The following WWC1 variants were observed in gnomAD, a reference collection of about 807,000 sequenced individuals.
WWC1 encodes protein KIBRA.
Under a neutral mutation model 138.4 loss-of-function variants are expected in WWC1, and 55 were observed. The observed-to-expected ratio is 0.40, with a 90% confidence interval of 0.32 to 0.50. The LOEUF (loss-of-function observed/expected upper bound fraction) is 0.50, where lower values mean the gene tolerates loss of function less well. WWC1 is among the 20% of genes least tolerant of loss of function. The pLI is 0.72. For synonymous variants in WWC1, 524 were observed against 564.9 expected (o/e 0.93, Z 1.03); for missense variants, 1,226 against 1,420.4 (o/e 0.86, Z 2.20).
intron 1 of WWC1, among the ~76,000 whole-genome samples, chr5:168,301,564 G>T (rs1383897255): frequency 6.6e-6 from 1 of 151,888 alleles, no homozygotes; most frequent in African/African-American, 2.4e-5. Flanking sequence ...CTTGAACCTG[G>T]GAGACGGAGG....
chr5:168,454,639 T>A (rs1267080082), intron 18 of WWC1, among the ~76,000 whole-genome samples: 1 of 152,214 alleles, frequency 6.6e-6, no homozygotes, highest in Non-Finnish European at 1.5e-5. Context: ...CTAGAGCACC[T>A]GCCGTGTTTG....
chr5:168,430,302 C>A, intron 14 of WWC1, 79 bp downstream of exon 14: 2 of 1,208,612 alleles, frequency 1.7e-6, no homozygotes, highest in Non-Finnish European at 2.4e-6. Flanking sequence ...TCTGCCCTGT[C>A]CTGATCCAGT....
intron 1 of WWC1, among the ~76,000 whole-genome samples, chr5:168,339,865 C>G (rs1254558275): frequency 7.7e-6 from 1 of 129,788 alleles, no homozygotes; most frequent in African/African-American, 3.5e-5. Flanking sequence ...CTCTTTCTCT[C>G]TCTCTCTCTC....
intron 11 of WWC1, among the ~76,000 whole-genome samples, chr5:168,427,548 ATTTTTT>A (rs34177139): frequency 5.9e-5 from 6 of 101,140 alleles, no homozygotes; most frequent in East Asian, 3.0e-4. Context: ...CTTTTTTTTA[ATTTTTT>A]TTTTTTTTTT....
intron 1 of WWC1, among the ~76,000 whole-genome samples, chr5:168,341,414 A>C (rs1316864011): frequency 6.6e-6 from 1 of 152,148 alleles, no homozygotes; most frequent in East Asian, 1.9e-4. Flanking sequence ...TCAGCACCCC[A>C]TAGGCACAAG....
chr5:168,309,749 T>G (rs960740269), intron 1 of WWC1, among the ~76,000 whole-genome samples: 4 of 151,894 alleles, frequency 2.6e-5, no homozygotes, highest in African/African-American at 9.7e-5. Context: ...GACCTCTCCC[T>G]CTGTCTTAGT....
chr5:168,471,923 CAATA>C lies in WWC1; in HGVS notation c.*2909_*2912del, dbSNP rs1757685278. 3.3e-5 allele frequency: 5 copies of C among 152,328 alleles called. No individual in the cohort carries two copies. The South Asian group carries it at 1.0e-3, about 32-fold the overall frequency. 9.4% of individuals were successfully genotyped at this position (152,328 alleles called of 1,614,324 possible). On this transcript the variant is annotated 3_prime_UTR_variant, in exon 23 of 23. Transcript: ENST00000265293. ...ACTGTATCTGCAGTCCATTTGGACT[CAATA>C]AAAACTTTGAAAGTCACATGTGTTA...
At chr5:168,464,998 TCTGCCCCAGAGAGTCGGGGGGCA>T (rs1195568498) in intron 21 of WWC1, 36 bp downstream of exon 21, 1 of 1,608,316 alleles carries the variant, frequency 6.2e-7, no homozygotes, top group Non-Finnish European at 8.5e-7. Flanking sequence ...AGCCCTGCGC[TCTGCCCCAGAGAGTCGGGGGGCA>T]CTGCCCCGGG....
chr5:168,430,193 C>A lies in WWC1; in HGVS notation c.2057C>A (p.Ser686Tyr). The A allele has an allele frequency of 1.9e-5, 30 of 1,614,048 alleles. No individual in the cohort carries two copies. The highest frequency in any genetic ancestry group is 2.5e-5 in the Non-Finnish European group (30 of 1,179,972). Reference sequence around the variant, plus strand: ...TTAATCATCCAGCTGAGTAACCTTTCTGCTCTGTTGCAGCAACAAGACCAG... The same window carrying A: ...TTAATCATCCAGCTGAGTAACCTTTATGCTCTGTTGCAGCAACAAGACCAG... ...AILIIQLSNL[S>Y]ALLQQQDQKV... The change falls in exon 14 of 23, where the codon TCT (serine) becomes TAT (tyrosine). Residue 686 changes from serine (S) to tyrosine (Y), a missense_variant. By Grantham distance (144) the Ser-to-Tyr change is moderately radical. Transcript: ENST00000265293.
intron 19 of WWC1, among the ~76,000 whole-genome samples, chr5:168,457,410 C>A (rs1756435739): frequency 6.6e-6 from 1 of 152,194 alleles, no homozygotes; most frequent in African/African-American, 2.4e-5. Context: ...CCAACAGAGA[C>A]ATGCTGGGGC....
At position 168,439,150 on chromosome 5, in the gene WWC1, G is replaced by A. The variant is rs531966578; in HGVS notation, c.2281-2532G>A. 2.2e-4 allele frequency among the ~76,000 whole-genome samples: 33 copies of A among 152,222 alleles called. 1 individual carries two copies. The South Asian group carries it at 6.2e-3, about 29-fold the overall frequency. ...ACCCCACTCTCTTGCACAAAAGGTA[G>A]CATATTATATATTCTTTTCTGCACC... On this transcript the variant is annotated intron_variant, in intron 15 of 22. Transcript: ENST00000265293.
intron 16 of WWC1, among the ~76,000 whole-genome samples, chr5:168,442,586 C>T (rs1409455723): frequency 6.6e-6 from 1 of 151,760 alleles, no homozygotes; most frequent in African/African-American, 2.4e-5. Context: ...CCTGTAATCC[C>T]AGCACTTTGG....
At chr5:168,433,185 T>C (rs1159068134) in intron 15 of WWC1, among the ~76,000 whole-genome samples, 1 of 152,242 alleles carries the variant, frequency 6.6e-6, no homozygotes, top group Non-Finnish European at 1.5e-5. Flanking sequence ...GAAGACTAAC[T>C]AAGGCGCTGA....
Position 168,423,827 on chromosome 5 carries a change from C to T in WWC1, c.1569C>T (p.Ser523=), listed in dbSNP as rs770836610. 1.2e-6 allele frequency: 2 copies of T among 1,614,148 alleles called. No individual in the cohort carries two copies. The highest frequency in any genetic ancestry group is 8.5e-7 in the Non-Finnish European group (1 of 1,180,012). Residue 523 remains serine, a synonymous_variant, in exon 11 of 23, where the codon TCC becomes TCT. Transcript: ENST00000265293. ...GTGGCCGCCTGCAGGCTCTGCGTTCCCTGTCTGGCACCCCAAAGTCCATGA... is the reference window on the plus strand; with the variant it reads ...GTGGCCGCCTGCAGGCTCTGCGTTCTCTGTCTGGCACCCCAAAGTCCATGA... ...EGGGRLQALR[S]LSGTPKSMTS...
chr5:168,454,818 A>G (rs1296961137), intron 18 of WWC1, among the ~76,000 whole-genome samples: 8 of 152,276 alleles, frequency 5.3e-5, no homozygotes, highest in African/African-American at 1.7e-4. Flanking sequence ...ATTTAGGCTG[A>G]CAAAGGTCCT....
At chr5:168,420,286 C>A (rs1780985069) in intron 9 of WWC1, among the ~76,000 whole-genome samples, 1 of 152,182 alleles carries the variant, frequency 6.6e-6, no homozygotes. Flanking sequence ...CTTCTGAGGT[C>A]TCTTCCCTTG....
chr5:168,408,054 A>G (rs1043402371), intron 6 of WWC1, among the ~76,000 whole-genome samples: 9 of 127,124 alleles, frequency 7.1e-5, no homozygotes, highest in African/African-American at 2.4e-4. Flanking sequence ...TTTTTTAGAG[A>G]TGGGAGTCCC....
chr5:168,424,860 G>A (rs915779571), intron 11 of WWC1, among the ~76,000 whole-genome samples: 4 of 152,134 alleles, frequency 2.6e-5, no homozygotes, highest in African/African-American at 9.7e-5. Context: ...TTCTGCATGG[G>A]GTCAGAAAGA....
intron 2 of WWC1, among the ~76,000 whole-genome samples, chr5:168,383,722 G>T (rs2152817717): frequency 6.6e-6 from 1 of 152,298 alleles, no homozygotes; most frequent in East Asian, 1.9e-4. Flanking sequence ...AATCAATTCA[G>T]AAGCAATACC....
Sources: gnomAD v4.1 joint callset for allele counts (sites outside exome capture counted in the v4.1 genomes callset) on GRCh38, gnomAD v4.1.1 for gene constraint, MANE v1.5 for transcripts, NCBI Gene and HGNC (gene_info 2026-07-23, HGNC 2026-07-21) for gene names.